The following TMEM170B variants were observed in gnomAD, a reference collection of about 807,000 sequenced individuals.
The protein encoded by TMEM170B is transmembrane protein 170B.
Under a neutral mutation model 13.0 loss-of-function variants are expected in TMEM170B, and 6 were observed. That is an observed-to-expected ratio of 0.46 (90% confidence interval 0.25 to 0.91). The LOEUF (loss-of-function observed/expected upper bound fraction) is 0.91. Among genes scored for constraint, TMEM170B ranks in the 40% least tolerant of loss-of-function variants. The pLI is 0.17. For synonymous variants in TMEM170B, 61 were observed against 64.9 expected (o/e 0.94, Z 0.29); for missense variants, 138 against 165.2 (o/e 0.84, Z 0.90).
intron 1 of TMEM170B, among the ~76,000 whole-genome samples, chr6:11,547,881 T>C (rs1290690031): frequency 1.3e-5 from 2 of 152,182 alleles, no homozygotes; most frequent in African/African-American, 4.8e-5. Context: ...TTAACTATGA[T>C]AATAAAATGT....
intron 2 of TMEM170B, among the ~76,000 whole-genome samples, chr6:11,569,364 A>G (rs1283899350): frequency 6.6e-6 from 1 of 152,184 alleles, no homozygotes. Flanking sequence ...TAAAGAAGTT[A>G]TCCTCCATTC....
At chr6:11,547,980 T>C (rs913864526) in intron 1 of TMEM170B, among the ~76,000 whole-genome samples, 32 of 152,160 alleles carry the variant, frequency 2.1e-4, no homozygotes, top group African/African-American at 6.0e-4. Context: ...ATATGTTTTC[T>C]GTAGAAAAGA....
rs1759306562 is a variant in TMEM170B at position 11,538,191 on chromosome 6, C to G, written c.-87C>G. 2.0e-6 allele frequency: 1 copy of G among 498,868 alleles called. No homozygotes were observed. Among genetic ancestry groups the G allele is most frequent in the African/African-American group, 2.1e-5 (1 of 47,898 alleles). 30.9% of individuals were successfully genotyped at this position (498,868 alleles called of 1,614,324 possible). ...ACCAGCGGCGGCGGCCTGGAGGAGC[C>G]GCGCACCCGCCGCCGCCCCCCGAGC... On this transcript the variant is annotated 5_prime_UTR_variant, in exon 1 of 3. Transcript: ENST00000379426.
At chr6:11,538,622 G>T (rs1286430511) in intron 1 of TMEM170B, among the ~76,000 whole-genome samples, 3 of 152,214 alleles carry the variant, frequency 2.0e-5, no homozygotes, top group Non-Finnish European at 4.4e-5. Context: ...CCCGCACGGG[G>T]AGAGCTCCCG....
intron 2 of TMEM170B, among the ~76,000 whole-genome samples, chr6:11,570,870 A>G (rs77834838): frequency 0.061 from 9,316 of 152,262 alleles, 429 homozygotes; most frequent in African/African-American, 0.13. Context: ...TCAAGAAAAC[A>G]TTATTGATGG....
At chr6:11,544,753 C>T (rs1759408109) in intron 1 of TMEM170B, among the ~76,000 whole-genome samples, 1 of 152,174 alleles carries the variant, frequency 6.6e-6, no homozygotes, top group Non-Finnish European at 1.5e-5. Context: ...GTGTGTTTTT[C>T]ACAGGATTCC....
intron 1 of TMEM170B, among the ~76,000 whole-genome samples, chr6:11,554,553 C>G (rs1759564726): frequency 6.6e-6 from 1 of 151,954 alleles, no homozygotes; most frequent in South Asian, 2.1e-4. Flanking sequence ...TTTTAAATAG[C>G]CTTAACCTGA....
At position 11,579,026 on chromosome 6, in the gene TMEM170B, CA is replaced by C. The variant is rs2113789232; in HGVS notation, c.*3467del. On this transcript the variant is annotated 3_prime_UTR_variant, in exon 3 of 3. Coordinates refer to ENST00000379426, the MANE Select transcript of TMEM170B (RefSeq NM_001100829.3). ...CTCTAGTAAGAAGTACAAGAATTAC[CA>C]AGATGGAATTCTTTACCTTGAGTAC... 6.6e-6 allele frequency: 1 copy of C among 152,156 alleles called. No homozygotes were observed. Among genetic ancestry groups the C allele is most frequent in the Non-Finnish European group, 1.5e-5 (1 of 67,990 alleles). The allele number at this position is 152,156 out of a possible 1,614,324, so 9.4% of individuals were successfully genotyped here. A position where few individuals can be genotyped will look rare whatever the true frequency, so the allele number is the denominator to read the frequency against.
intron 2 of TMEM170B, among the ~76,000 whole-genome samples, chr6:11,566,421 A>T (rs1470719894): frequency 6.6e-6 from 1 of 152,170 alleles, no homozygotes; most frequent in Non-Finnish European, 1.5e-5. Flanking sequence ...TTAACACTGT[A>T]CTTAGGCCCA....
chr6:11,542,541 T>G (rs1759376620), intron 1 of TMEM170B, among the ~76,000 whole-genome samples: 2 of 152,190 alleles, frequency 1.3e-5, no homozygotes, highest in Admixed American at 6.5e-5. Context: ...AAATAACTAC[T>G]GTCTGAATAT....
rs926547596 is a variant in TMEM170B, at chr6:11,580,921, G to C, written c.*5360G>C. Reference sequence around the variant, plus strand: ...TGAAATTGTATTGCATTTTGTGTGTGTGTGTGGTGACAGGTTTGCTCTTCT... The same window carrying C: ...TGAAATTGTATTGCATTTTGTGTGTCTGTGTGGTGACAGGTTTGCTCTTCT... On this transcript the variant is annotated 3_prime_UTR_variant, in exon 3 of 3. Coordinates refer to ENST00000379426, the MANE Select transcript of TMEM170B (RefSeq NM_001100829.3). The C allele has an allele frequency of 4.6e-5, 7 of 152,234 alleles. No individual in the cohort carries two copies. Among genetic ancestry groups the C allele is most frequent in the African/African-American group, 1.7e-4 (7 of 41,452 alleles). The allele number at this position is 152,234 out of a possible 1,614,324, so 9.4% of individuals were successfully genotyped here. A position where few individuals can be genotyped will look rare whatever the true frequency, so the allele number is the denominator to read the frequency against.
In TMEM170B at chr6:11,575,489, G is replaced by C; in HGVS notation, c.327G>C (p.Ala109=). The C allele has an allele frequency of 6.2e-7, 1 of 1,613,458 alleles. No individual in the cohort carries two copies. Residue 109 remains alanine, a synonymous_variant, in exon 3 of 3, where the codon GCG becomes GCC. Transcript: ENST00000379426. The surrounding 1 kb of genome is among the most constrained non-coding windows in gnomAD (Gnocchi z 4.1). The stretch of plus-strand genomic sequence containing the variant: ...GGAAGAACATGGCCCCTTTGGAAGC[G>C]CTGGTATGGGGCGTTGGACAGACTG... ...VAGKNMAPLE[A]LVWGVGQTVL... is the part of the protein sequence containing the mutation.
intron 2 of TMEM170B, among the ~76,000 whole-genome samples, chr6:11,569,223 T>A (rs1374303522): frequency 6.6e-6 from 1 of 152,166 alleles, no homozygotes; most frequent in Non-Finnish European, 1.5e-5. Context: ...TTTTGGACTT[T>A]GCAAATAATT....
intron 1 of TMEM170B, among the ~76,000 whole-genome samples, chr6:11,540,260 A>G (rs972911717): frequency 6.6e-6 from 1 of 152,200 alleles, no homozygotes; most frequent in African/African-American, 2.4e-5. Flanking sequence ...TCTCTGTAGC[A>G]TGGGATGCTG....
chr6:11,574,245 G>A (rs960745580), intron 2 of TMEM170B, among the ~76,000 whole-genome samples: 1 of 152,074 alleles, frequency 6.6e-6, no homozygotes, highest in Admixed American at 6.5e-5. Context: ...AAAATACATA[G>A]TATATGGTAA....
chr6:11,541,157 C>T (rs1185272518), intron 1 of TMEM170B, among the ~76,000 whole-genome samples: 2 of 152,132 alleles, frequency 1.3e-5, no homozygotes, highest in African/African-American at 2.4e-5. Flanking sequence ...ATAAAGTCAC[C>T]AGCTGCATTA....
chr6:11,542,112 C>T (rs1373829732), intron 1 of TMEM170B, among the ~76,000 whole-genome samples: 3 of 152,262 alleles, frequency 2.0e-5, no homozygotes, highest in South Asian at 2.1e-4. Context: ...TACTGATAGA[C>T]TTGCTTGACA....
rs958353148 is a variant in TMEM170B, at chr6:11,583,194, C to G, written c.*7633C>G. 8 of 152,072 alleles carry G rather than the reference C, an allele frequency of 5.3e-5. No individual in the cohort carries two copies. Among genetic ancestry groups the G allele is most frequent in the African/African-American group, 1.7e-4 (7 of 41,392 alleles). 9.4% of individuals were successfully genotyped at this position (152,072 alleles called of 1,614,324 possible). A position where few individuals can be genotyped will look rare whatever the true frequency, so the allele number is the denominator to read the frequency against. On this transcript the variant is annotated 3_prime_UTR_variant, in exon 3 of 3. Coordinates refer to ENST00000379426, the MANE Select transcript of TMEM170B (RefSeq NM_001100829.3). ...TTCAAAGGGCAGCAATAAACATATG[C>G]AAGTTATTTTTAATTATAGAAAGTA...
At chr6:11,557,670 A>G (rs562802091) in intron 1 of TMEM170B, among the ~76,000 whole-genome samples, 1 of 152,296 alleles carries the variant, frequency 6.6e-6, no homozygotes, top group Non-Finnish European at 1.5e-5. Flanking sequence ...AGTATGGTAG[A>G]TGGACTAAAC....
Sources: allele counts gnomAD v4.1 joint callset (sites outside exome capture counted in the v4.1 genomes callset), GRCh38; gene constraint gnomAD v4.1.1; non-coding constraint Gnocchi (gnomAD v3.1); transcripts MANE v1.5; gene names NCBI Gene and HGNC (gene_info 2026-07-23, HGNC 2026-07-21).